Variants in GRID1 observed in about 807,000 individuals in gnomAD.
GRID1 encodes the protein glutamate ionotropic receptor delta type subunit 1, also known as glutamate receptor ionotropic, delta-1.
A neutral mutation model predicts 98.0 loss-of-function variants in GRID1; 28 were observed. The ratio of observed to expected loss-of-function variants is 0.29; its 90% CI spans 0.21 to 0.39. GRID1 has a LOEUF of 0.39. Among genes scored for constraint, GRID1 ranks in the 10% least tolerant of loss-of-function variants. GRID1 has a pLI of 1.00. For missense variants in GRID1, 1,111 were observed against 1,340.5 expected, an observed-to-expected ratio of 0.83 and a Z score of 2.67; for synonymous variants, 553 against 538.5, an observed-to-expected ratio of 1.03 and a Z score of -0.37.
chr10:86,117,184 C>CCAT (rs1844596234), intron 4 of GRID1, among the ~76,000 whole-genome samples: 2 of 151,766 alleles, frequency 1.3e-5, no homozygotes, highest in Admixed American at 6.6e-5. Context: ...ACCAGCACCA[C>CCAT]CAATAACACC....
chr10:86,271,042 G>A (rs892292255), intron 2 of GRID1, among the ~76,000 whole-genome samples: 3 of 152,182 alleles, frequency 2.0e-5, no homozygotes, highest in Admixed American at 6.5e-5. Flanking sequence ...GAAGAGTGAT[G>A]GGCACAGAGA....
intron 3 of GRID1, among the ~76,000 whole-genome samples, chr10:86,183,616 C>T (rs904850214): frequency 2.6e-5 from 4 of 152,218 alleles, no homozygotes; most frequent in African/African-American, 9.6e-5. Context: ...GCCTCAGCCT[C>T]CCAAAGTGCT....
At chr10:85,648,336 C>T (rs764856619) in intron 12 of GRID1, among the ~76,000 whole-genome samples, 5 of 152,144 alleles carry the variant, frequency 3.3e-5, no homozygotes, top group Non-Finnish European at 5.9e-5. Flanking sequence ...CTCAGAAGAG[C>T]GTACTTGGCT....
Position 85,976,032 on chromosome 10 carries a change from T to C in GRID1, c.727-59793A>G, listed in dbSNP as rs372090603. On this transcript the variant is annotated intron_variant, in intron 4 of 15. Transcript: ENST00000327946. Reference sequence around the variant, plus strand: ...TGCCTCTGTTCACCTTACCAGCTCATCACGGGGTGGGCAAGTGTTGTCTAA... The same window carrying C: ...TGCCTCTGTTCACCTTACCAGCTCACCACGGGGTGGGCAAGTGTTGTCTAA... 2.2e-4 allele frequency among the ~76,000 whole-genome samples: 33 copies of C among 152,300 alleles called. No individual in the cohort carries two copies. The East Asian group carries it at 4.1e-3, about 19-fold the overall frequency.
At chr10:85,768,605 G>A (rs1466353054) in intron 8 of GRID1, among the ~76,000 whole-genome samples, 1 of 152,126 alleles carries the variant, frequency 6.6e-6, no homozygotes, top group Non-Finnish European at 1.5e-5. Flanking sequence ...AACAGAAAAG[G>A]AAAACAAATG....
chr10:85,602,253 C>T lies in GRID1; in HGVS notation c.*20G>A. 1 of 1,445,576 alleles carries T rather than the reference C, an allele frequency of 6.9e-7. No individual in the cohort carries two copies. Among genetic ancestry groups the T allele is most frequent in the Non-Finnish European group, 9.1e-7 (1 of 1,093,530 alleles). The allele number at this position is 1,445,576 out of a possible 1,614,324, so 89.5% of individuals were successfully genotyped here. On this transcript the variant is annotated 3_prime_UTR_variant, in exon 16 of 16. Transcript: ENST00000327946. ...CTGGTCGGGTGGGTGGGAGGGTGGG[C>T]AGGAGGGCAGGCGGCGCAGTCAGAT... is the stretch of plus-strand genomic sequence containing the variant.
chr10:85,897,243 C>T (rs937689343), intron 5 of GRID1, among the ~76,000 whole-genome samples: 6 of 152,068 alleles, frequency 3.9e-5, no homozygotes, highest in Non-Finnish European at 8.8e-5. Flanking sequence ...ATACACACAC[C>T]CAGACACACC....
intron 4 of GRID1, among the ~76,000 whole-genome samples, chr10:86,064,509 C>A (rs2131915864): frequency 6.6e-6 from 1 of 152,328 alleles, no homozygotes; most frequent in South Asian, 2.1e-4. Flanking sequence ...ACAGTGCCTG[C>A]CTCAGTGTGC....
chr10:86,227,408 G>A (rs2098058144), intron 2 of GRID1, among the ~76,000 whole-genome samples: 2 of 152,152 alleles, frequency 1.3e-5, no homozygotes, highest in African/African-American at 4.8e-5. Context: ...CACCAAGGCA[G>A]GAGCTCCTGG....
At chr10:85,700,351 T>C (rs1841437337) in intron 12 of GRID1, among the ~76,000 whole-genome samples, 1 of 152,190 alleles carries the variant, frequency 6.6e-6, no homozygotes, top group South Asian at 2.1e-4. Flanking sequence ...AGTCAGTCAA[T>C]CTCCTGTGTC....
chr10:86,279,124 C>A (rs7895744), intron 2 of GRID1, among the ~76,000 whole-genome samples: 34,201 of 151,932 alleles, frequency 0.23, 4,365 homozygotes, highest in African/African-American at 0.35. Flanking sequence ...GTTATGAATT[C>A]TTTATAAAAG....
rs144847862 is a variant in GRID1 at position 85,931,802 on chromosome 10, T to C, written c.727-15563A>G. 1.2e-4 allele frequency among the ~76,000 whole-genome samples: 19 copies of C among 152,306 alleles called. No individual in the cohort carries two copies. In the East Asian group the frequency reaches 3.7e-3, roughly 29 times the overall value. ...GTCCTTTCATGTTTAATATGAAGCA[T>C]TAAGAAGCTCATTGAAGGGTATGGG... On this transcript the variant is annotated intron_variant, in intron 4 of 15. Coordinates refer to ENST00000327946, the MANE Select transcript of GRID1 (RefSeq NM_017551.3).
At chr10:86,149,065 C>A (rs932133736) in intron 3 of GRID1, among the ~76,000 whole-genome samples, 4 of 152,232 alleles carry the variant, frequency 2.6e-5, no homozygotes, top group Non-Finnish European at 5.9e-5. Flanking sequence ...GGAACGCCCC[C>A]AAAAGGGCTC....
chr10:85,958,953 G>A (rs574273607), intron 4 of GRID1, among the ~76,000 whole-genome samples: 28 of 126,880 alleles, frequency 2.2e-4, no homozygotes, highest in Middle Eastern at 4.3e-3. Flanking sequence ...GTGAAACTCC[G>A]TCTCAAAAAA....
At chr10:86,068,247 G>A (rs1156660151) in intron 4 of GRID1, among the ~76,000 whole-genome samples, 1 of 152,144 alleles carries the variant, frequency 6.6e-6, no homozygotes, top group Middle Eastern at 3.2e-3. Flanking sequence ...TGAAATTCAT[G>A]CAAACATATT....
chr10:86,262,574 C>A (rs1201100923), intron 2 of GRID1, among the ~76,000 whole-genome samples: 2 of 152,202 alleles, frequency 1.3e-5, no homozygotes, highest in Non-Finnish European at 2.9e-5. Context: ...CGTGGCTCCA[C>A]CCCCAAGCGT....
intron 2 of GRID1, among the ~76,000 whole-genome samples, chr10:86,296,650 A>G (rs1847594718): frequency 6.6e-6 from 1 of 152,164 alleles, no homozygotes; most frequent in South Asian, 2.1e-4. Flanking sequence ...GAGGCAGAAG[A>G]ATCGCTCGAA....
chr10:85,642,713 T>C (rs1843137550), intron 13 of GRID1, among the ~76,000 whole-genome samples: 1 of 152,218 alleles, frequency 6.6e-6, no homozygotes, highest in Non-Finnish European at 1.5e-5. Flanking sequence ...TGACAAGGTC[T>C]CACTTGTCCT....
intron 12 of GRID1, among the ~76,000 whole-genome samples, chr10:85,654,170 G>A (rs576986164): frequency 5.9e-5 from 9 of 152,056 alleles, no homozygotes; most frequent in East Asian, 5.8e-4. Context: ...AGCCAGCCTC[G>A]GAGGGCCAGC....
Sources: gnomAD v4.1 joint callset for allele counts (sites outside exome capture counted in the v4.1 genomes callset) on GRCh38, gnomAD v4.1.1 for gene constraint, MANE v1.5 for transcripts, NCBI Gene and HGNC (gene_info 2026-07-23, HGNC 2026-07-21) for gene names.